Variants in SPAG7 observed in about 807,000 individuals in gnomAD.
SPAG7 encodes the protein sperm-associated antigen 7.
A neutral mutation model predicts 30.6 loss-of-function variants in SPAG7; 20 were observed. The ratio of observed to expected loss-of-function variants is 0.65; its 90% CI spans 0.46 to 0.95. The LOEUF is 0.95. SPAG7 is among the 40% of genes least tolerant of loss of function. The pLI, the probability that SPAG7 is intolerant of heterozygous loss-of-function variation, is 0.00. For synonymous variants in SPAG7, 127 were observed against 104.2 expected, an observed-to-expected ratio of 1.22 and a Z score of -1.33; for missense variants, 276 against 291.1, an observed-to-expected ratio of 0.95 and a Z score of 0.38.
At chr17:4,965,391 G>C (rs1428006840) in intron 1 of SPAG7, among the ~76,000 whole-genome samples, 1 of 151,978 alleles carries the variant, frequency 6.6e-6, no homozygotes, top group African/African-American at 2.4e-5. Context: ...CCTCTGCTTG[G>C]AATGCTTTTC....
chr17:4,962,385 A>G (rs1296308459), intron 1 of SPAG7, among the ~76,000 whole-genome samples: 3 of 152,020 alleles, frequency 2.0e-5, no homozygotes, highest in Non-Finnish European at 4.4e-5. Flanking sequence ...AAAGTGCTGG[A>G]ATTATAGGCG....
intron 1 of SPAG7, chr17:4,967,063 C>G (rs1971968508): frequency 1.0e-6 from 1 of 985,608 alleles, no homozygotes; most frequent in African/African-American, 1.7e-5. Context: ...ACTCCGAGAA[C>G]GCAGGCGGAG....
At chr17:4,963,551 T>C (rs1463011447) in intron 1 of SPAG7, among the ~76,000 whole-genome samples, 1 of 145,516 alleles carries the variant, frequency 6.9e-6, no homozygotes, top group Non-Finnish European at 1.5e-5. Context: ...CTCCGCCTCC[T>C]GGGTTCAAGC....
chr17:4,961,456 CAA>C (rs962164574), intron 1 of SPAG7, among the ~76,000 whole-genome samples: 1 of 119,432 alleles, frequency 8.4e-6, no homozygotes. Flanking sequence ...AACTCCGTCT[CAA>C]AAAAAAAAAA....
At chr17:4,963,896 T>A (rs778587536) in intron 1 of SPAG7, among the ~76,000 whole-genome samples, 9 of 151,986 alleles carry the variant, frequency 5.9e-5, no homozygotes, top group Non-Finnish European at 1.3e-4. Flanking sequence ...CTGTGAAGGG[T>A]CTTCTTTTTC....
chr17:4,967,595 T>C (rs891724991), intron 1 of SPAG7, 125 bp downstream of exon 1: 7 of 752,670 alleles, frequency 9.3e-6, no homozygotes, highest in Admixed American at 4.3e-5. Flanking sequence ...TTAGGGACTC[T>C]GAGGGTCTCG....
In SPAG7 at chr17:4,960,258, A is replaced by G. The variant is rs1433242067; in HGVS notation, c.303T>C (p.Cys101=). 1 of 1,614,188 alleles carries G rather than the reference A, an allele frequency of 6.2e-7. No homozygotes were observed. The highest frequency in any genetic ancestry group is 8.5e-7 in the Non-Finnish European group (1 of 1,180,010). ...CCTTTTTGAAGATCATGACATAGCG[A>G]CAGTCATCATCTTCCCCAAAGGAGA... is the stretch of plus-strand genomic sequence containing the variant. ...TSFSFGEDDD[C]RYVMIFKKEF... The change falls in exon 4 of 7, where the codon TGT becomes TGC. Residue 101 remains cysteine (C), a synonymous_variant. Coordinates refer to ENST00000206020, the MANE Select transcript of SPAG7 (RefSeq NM_004890.3).
intron 2 of SPAG7, 64 bp downstream of exon 2, chr17:4,960,722 T>C (rs1296379506): frequency 1.3e-6 from 2 of 1,541,040 alleles, no homozygotes; most frequent in East Asian, 2.2e-5. Context: ...GTCCTCAACC[T>C]TCCAATTTTA....
At chr17:4,966,476 TAGAC>T (rs1971953860) in intron 1 of SPAG7, 9 of 625,644 alleles carry the variant, frequency 1.4e-5, no homozygotes, top group Non-Finnish European at 1.8e-5. Context: ...ATCCCCCACT[TAGAC>T]AGTCATCGGA....
rs962010565 is a variant in SPAG7 at position 4,967,734 on chromosome 17, C to T, written c.71G>A (p.Arg24Gln). 1 of 1,613,900 alleles carries T rather than the reference C, an allele frequency of 6.2e-7. No individual in the cohort carries two copies. Among genetic ancestry groups the T allele is most frequent in the Non-Finnish European group, 8.5e-7 (1 of 1,179,802 alleles). Residue 24 changes from arginine (R) to glutamine (Q), a missense_variant, in exon 1 of 7, where the codon CGG becomes CAG. By Grantham distance (43) the Arg-to-Gln change is conservative. Transcript: ENST00000206020. ...KPPSLGDQET[R>Q]RKAREQAARL... is the part of the protein sequence containing the mutation. The stretch of plus-strand genomic sequence containing the variant: ...GGGATCCTCACCTCGGGCCTTGCGC[C>T]GAGTCTCCTGGTCACCGAGGCTGGG...
chr17:4,966,733 C>A, intron 1 of SPAG7: 1 of 985,454 alleles, frequency 1.0e-6, no homozygotes, highest in Non-Finnish European at 1.2e-6. Flanking sequence ...CAATGAGCGC[C>A]CCAGCCCCGG....
chr17:4,959,512 C>A lies in SPAG7; in HGVS notation c.*22G>T, dbSNP rs1363259053. ...CTGCCCCCTGCCCTGCCCCAGGGGTCAAAGGGAGCTGGGCGGGGCGCCTAG... is the reference window on the plus strand; with the variant it reads ...CTGCCCCCTGCCCTGCCCCAGGGGTAAAAGGGAGCTGGGCGGGGCGCCTAG... On this transcript the variant is annotated 3_prime_UTR_variant, in exon 7 of 7. Coordinates refer to ENST00000206020, the MANE Select transcript of SPAG7 (RefSeq NM_004890.3). 7 of 1,601,072 alleles carry A rather than the reference C, an allele frequency of 4.4e-6. No individual in the cohort carries two copies. The highest frequency in any genetic ancestry group is 6.0e-6 in the Non-Finnish European group (7 of 1,172,070).
Position 4,960,855 on chromosome 17 carries a change from TG to T in SPAG7, c.86-3del. 6.2e-7 allele frequency: 1 copy of T among 1,613,988 alleles called. No homozygotes were observed. The highest frequency in any genetic ancestry group is 1.1e-5 in the South Asian group (1 of 91,078). On this transcript the variant is annotated splice_polypyrimidine_tract_variant and splice_region_variant and intron_variant, in intron 1 of 6. Coordinates refer to ENST00000206020, the MANE Select transcript of SPAG7 (RefSeq NM_004890.3). ...GTTTCTTCAGGCGGGCGGCCTGTTC[TG>T]GGGGTGAGAAATGGCAACATGAAGC...
At chr17:4,960,171 G>T in intron 4 of SPAG7, 60 bp from the exon 5 acceptor site, 19 of 1,601,950 alleles carry the variant, frequency 1.2e-5, no homozygotes, top group Non-Finnish European at 1.6e-5. Flanking sequence ...TCATTCCTTG[G>T]TCGGGGAGGG....
chr17:4,966,837 G>T (rs1046237856), intron 1 of SPAG7: 1 of 985,406 alleles, frequency 1.0e-6, no homozygotes, highest in East Asian at 1.1e-4. Flanking sequence ...TTGAATACTT[G>T]GAAGGCGTCC....
In SPAG7 at chr17:4,960,256, C is replaced by T. The variant is rs1440069842; in HGVS notation, c.305G>A (p.Arg102His). 2 of 1,614,070 alleles carry T rather than the reference C, an allele frequency of 1.2e-6. No individual in the cohort carries two copies. Among genetic ancestry groups the T allele is most frequent in the Non-Finnish European group, 1.7e-6 (2 of 1,179,970 alleles). ...TACCTTTTTGAAGATCATGACATAG[C>T]GACAGTCATCATCTTCCCCAAAGGA... ...SFSFGEDDDCRYVMIFKKEFA... is the reference protein window; with the variant it reads ...SFSFGEDDDCHYVMIFKKEFA... Residue 102 changes from arginine to histidine, a missense_variant, in exon 4 of 7, where the codon CGC becomes CAC. Coordinates refer to ENST00000206020, the MANE Select transcript of SPAG7 (RefSeq NM_004890.3).
chr17:4,965,571 G>A (rs1971936095), intron 1 of SPAG7, among the ~76,000 whole-genome samples: 1 of 151,818 alleles, frequency 6.6e-6, no homozygotes, highest in Non-Finnish European at 1.5e-5. Context: ...CAGGGACCCT[G>A]TTGATCTACT....
chr17:4,959,526 CG>C lies in SPAG7; in HGVS notation c.*7del, dbSNP rs779067557. ...GCCCCAGGGGTCAAAGGGAGCTGGG[CG>C]GGGCGCCTAGGAGGTTGGCGGCAAC... On this transcript the variant is annotated 3_prime_UTR_variant, in exon 7 of 7. Transcript: ENST00000206020. The C allele has an allele frequency of 1.2e-5, 19 of 1,609,248 alleles. No individual in the cohort carries two copies. The Admixed American group carries it at 2.8e-4, about 24-fold the overall frequency.
intron 1 of SPAG7, among the ~76,000 whole-genome samples, chr17:4,965,197 G>A (rs1299462527): frequency 6.6e-6 from 1 of 152,202 alleles, no homozygotes; most frequent in Non-Finnish European, 1.5e-5. Flanking sequence ...ACAGGCGTGA[G>A]CCACCACGCC....
Sources: allele counts gnomAD v4.1 joint callset (sites outside exome capture counted in the v4.1 genomes callset), GRCh38; gene constraint gnomAD v4.1.1; transcripts MANE v1.5; gene names NCBI Gene and HGNC (gene_info 2026-07-23, HGNC 2026-07-21).